EHBP1: variants seen among roughly 807,000 people sequenced by gnomAD.
EHBP1 encodes the protein EH domain-binding protein 1.
In EHBP1, 55 loss-of-function variants were observed where a neutral mutation model predicts 144.0. The observed-to-expected ratio is 0.38, with a 90% CI of 0.31 to 0.48. EHBP1 has a LOEUF of 0.48. Among genes scored for constraint, EHBP1 ranks in the 20% least tolerant of loss-of-function variants. The probability of loss-of-function intolerance (pLI) is 0.98; values close to 1 mark genes in which losing one functional copy is unlikely to be tolerated. For missense variants in EHBP1, 1,200 were observed against 1,364.2 expected (o/e 0.88, Z 1.90); for synonymous variants, 469 against 472.7 (o/e 0.99, Z 0.10).
chr2:62,968,510 A>G (rs1452136864), intron 14 of EHBP1, among the ~76,000 whole-genome samples: 3 of 152,200 alleles, frequency 2.0e-5, no homozygotes, highest in African/African-American at 7.2e-5. Flanking sequence ...AAATATCACA[A>G]TATAAAACAG....
chr2:62,685,593 C>G (rs1481678261), intron 1 of EHBP1, among the ~76,000 whole-genome samples: 1 of 152,130 alleles, frequency 6.6e-6, no homozygotes, highest in Non-Finnish European at 1.5e-5. Context: ...TGCAACAACC[C>G]TATTTTCAAA....
intron 2 of EHBP1, among the ~76,000 whole-genome samples, chr2:62,729,455 T>TA (rs1162407095): frequency 5.1e-5 from 6 of 118,108 alleles, no homozygotes; most frequent in African/African-American, 1.7e-4. Context: ...ATAATAAATA[T>TA]ATAATATATA....
intron 7 of EHBP1, among the ~76,000 whole-genome samples, chr2:62,855,358 G>A (rs1398575284): frequency 3.3e-5 from 5 of 152,200 alleles, no homozygotes; most frequent in African/African-American, 1.2e-4. Flanking sequence ...CATAGGAGGG[G>A]AGCTGATGGG....
In EHBP1 at chr2:62,939,059, C is replaced by T. The variant is rs1050131184; in HGVS notation, c.1186-3659C>T. On this transcript the variant is annotated intron_variant, in intron 10 of 22. Transcript: ENST00000431489. ...TGCCTATGCTGTACCAGGCACTGTT[C>T]TGGGCATTTGATTTAGGTTAATAAA... is the stretch of plus-strand genomic sequence containing the variant. Among the ~76,000 whole-genome samples the T allele has an allele frequency of 2.6e-5, 4 of 152,086 alleles. No individual in the cohort carries two copies. In the East Asian group the frequency reaches 7.7e-4, roughly 29 times the overall value.
intron 2 of EHBP1, among the ~76,000 whole-genome samples, chr2:62,711,727 T>C (rs970971919): frequency 2.6e-5 from 4 of 151,944 alleles, no homozygotes; most frequent in Non-Finnish European, 2.9e-5. Flanking sequence ...AGTAGTGAGA[T>C]AGGAAAATTG....
chr2:62,905,597 G>C (rs1049664089), intron 10 of EHBP1, among the ~76,000 whole-genome samples: 1 of 152,134 alleles, frequency 6.6e-6, no homozygotes, highest in Non-Finnish European at 1.5e-5. Context: ...GGCCAAGGCA[G>C]GTGGATCACT....
intron 5 of EHBP1, among the ~76,000 whole-genome samples, chr2:62,800,460 C>G (rs1182908334): frequency 1.3e-5 from 2 of 151,942 alleles, no homozygotes; most frequent in African/African-American, 4.8e-5. Flanking sequence ...AATTCCAGGA[C>G]TGTATCCTAA....
chr2:62,819,254 A>G (rs895830984), intron 5 of EHBP1, among the ~76,000 whole-genome samples: 1 of 152,234 alleles, frequency 6.6e-6, no homozygotes, highest in Non-Finnish European at 1.5e-5. Flanking sequence ...TTAACAAAAA[A>G]TCTAAAGAAT....
intron 5 of EHBP1, among the ~76,000 whole-genome samples, chr2:62,784,403 A>G (rs2042665167): frequency 6.6e-6 from 1 of 152,166 alleles, no homozygotes; most frequent in Non-Finnish European, 1.5e-5. Flanking sequence ...TTTACTTCCT[A>G]ACATTGGGGA....
At chr2:62,735,117 A>T (rs147257602) in intron 2 of EHBP1, among the ~76,000 whole-genome samples, 14 of 151,748 alleles carry the variant, frequency 9.2e-5, no homozygotes, top group African/African-American at 3.1e-4. Context: ...CTGGCCTCAA[A>T]CCCCTGGGAT....
At chr2:62,746,297 T>C (rs2039145238) in intron 2 of EHBP1, among the ~76,000 whole-genome samples, 3 of 152,110 alleles carry the variant, frequency 2.0e-5, no homozygotes, top group Non-Finnish European at 1.5e-5. Flanking sequence ...TGTTTGTTTT[T>C]CCATTGGTAT....
At chr2:63,030,026 T>C (rs2061166023) in intron 19 of EHBP1, among the ~76,000 whole-genome samples, 1 of 152,122 alleles carries the variant, frequency 6.6e-6, no homozygotes, top group South Asian at 2.1e-4. Flanking sequence ...CCACCATGCC[T>C]GGCCAACAGA....
intron 19 of EHBP1, among the ~76,000 whole-genome samples, chr2:63,031,938 A>C (rs1175114234): frequency 6.6e-6 from 1 of 152,098 alleles, no homozygotes; most frequent in African/African-American, 2.4e-5. Flanking sequence ...CAAAACAAAA[A>C]ACAAAAACAA....
intron 7 of EHBP1, among the ~76,000 whole-genome samples, chr2:62,840,707 G>C (rs1220100628): frequency 1.3e-5 from 2 of 151,108 alleles, no homozygotes; most frequent in Admixed American, 1.3e-4. Context: ...CTCAAAAGAA[G>C]ACATTTATGC....
At chr2:63,005,379 C>G (rs1049813542) in intron 19 of EHBP1, among the ~76,000 whole-genome samples, 1 of 152,048 alleles carries the variant, frequency 6.6e-6, no homozygotes, top group Non-Finnish European at 1.5e-5. Context: ...GAGAATGTGG[C>G]TAGCGTGGAT....
intron 10 of EHBP1, among the ~76,000 whole-genome samples, chr2:62,905,267 C>T (rs1353785430): frequency 6.6e-6 from 1 of 152,012 alleles, no homozygotes; most frequent in Non-Finnish European, 1.5e-5. Context: ...GCCAGTAGGA[C>T]AAGGAAGGAG....
At chr2:62,969,570 A>G (rs983334060) in intron 14 of EHBP1, among the ~76,000 whole-genome samples, 1 of 152,180 alleles carries the variant, frequency 6.6e-6, no homozygotes. Context: ...TATATTAAAA[A>G]CTATCTCAAA....
chr2:62,776,109 A>G (rs894746521), intron 5 of EHBP1, among the ~76,000 whole-genome samples: 4 of 152,214 alleles, frequency 2.6e-5, no homozygotes, highest in African/African-American at 9.6e-5. Context: ...ATGGAATTCT[A>G]GAATTTATCA....
chr2:62,944,606 C>A (rs894798715), intron 12 of EHBP1, among the ~76,000 whole-genome samples: 2 of 152,174 alleles, frequency 1.3e-5, no homozygotes, highest in African/African-American at 4.8e-5. Flanking sequence ...CATTGTTAAG[C>A]AACACATGAC....
Sources: gnomAD v4.1 joint callset for allele counts (sites outside exome capture counted in the v4.1 genomes callset) on GRCh38, gnomAD v4.1.1 for gene constraint, MANE v1.5 for transcripts, NCBI Gene and HGNC (gene_info 2026-07-23, HGNC 2026-07-21) for gene names.